ARMC9: variants seen among roughly 807,000 people sequenced by gnomAD.
ARMC9 encodes lisH domain-containing protein ARMC9.
Under a neutral mutation model 107.0 loss-of-function variants are expected in ARMC9, and 94 were observed. The observed-to-expected ratio is 0.88, with a 90% CI of 0.74 to 1.04. ARMC9 has a LOEUF of 1.04. ARMC9 is among the 50% of genes least tolerant of loss of function. ARMC9 has a pLI of 0.00. For missense variants in ARMC9, 942 were observed against 1,030.1 expected (o/e 0.91, Z 1.17); for synonymous variants, 380 against 396.9 (o/e 0.96, Z 0.51).
chr2:231,201,888 T>A (rs1181547949), intron 1 of ARMC9, among the ~76,000 whole-genome samples: 1 of 152,240 alleles, frequency 6.6e-6, no homozygotes, highest in East Asian at 1.9e-4. Context: ...CCAGCAACCC[T>A]GCCATGTTGC....
intron 1 of ARMC9, among the ~76,000 whole-genome samples, chr2:231,204,501 C>T (rs1048391006): frequency 5.9e-5 from 9 of 152,114 alleles, no homozygotes; most frequent in East Asian, 3.8e-4. Flanking sequence ...ACCCCATACC[C>T]GTCTCCTTCA....
chr2:231,355,912 G>A lies in ARMC9; in HGVS notation c.2109G>A (p.Pro703=), dbSNP rs781559742. 73 of 1,535,896 alleles carry A rather than the reference G, an allele frequency of 4.8e-5. No individual in the cohort carries two copies. In the Middle Eastern group the frequency reaches 1.0e-3, roughly 21 times the overall value. ...ACAGGGAGGGCAAGCCCAGCACCCC[G>A]GAGTCCTGCGTCTCCTCTTCATGTA... The part of the protein sequence containing the change: ...AVYREGKPST[P]ESCVSSSSAI... Residue 703 remains proline, a synonymous_variant, in exon 22 of 25, where the codon CCG becomes CCA. Transcript: ENST00000611582.
chr2:231,350,450 C>A (rs16827990), intron 21 of ARMC9, among the ~76,000 whole-genome samples: 12,165 of 151,852 alleles, frequency 0.08, 1,442 homozygotes, highest in African/African-American at 0.26. Flanking sequence ...TTGTTTGATA[C>A]ATTTCCTTGC....
In ARMC9 at chr2:231,269,077, A is replaced by G. The variant is rs1574879195; in HGVS notation, c.1120-1905A>G. Among the ~76,000 whole-genome samples the G allele has an allele frequency of 5.3e-5, 8 of 152,304 alleles. 3 individuals carry two copies. Among genetic ancestry groups the G allele is most frequent in the Admixed American group, 5.2e-4 (8 of 15,302 alleles). On this transcript the variant is annotated intron_variant, in intron 12 of 24. Transcript: ENST00000611582. ...GAGAGCTTGACTCAAAAAATTTAAA[A>G]AAAGAAATCCAAAGCCATTCCAATT... is the stretch of plus-strand genomic sequence containing the variant.
Position 231,242,069 on chromosome 2 carries a change from C to T in ARMC9, c.879+2028C>T, listed in dbSNP as rs972205282. Among the ~76,000 whole-genome samples, 108 of 152,160 alleles carry T rather than the reference C, an allele frequency of 7.1e-4. 1 individual carries two copies. Among genetic ancestry groups the T allele is most frequent in the African/African-American group, 2.5e-3 (103 of 41,510 alleles). ...CACATGTGGCTGAAATAGACCATTTCAGTGCTGCTAAAGTTTTCTACCCTT... is the reference window on the plus strand; with the variant it reads ...CACATGTGGCTGAAATAGACCATTTTAGTGCTGCTAAAGTTTTCTACCCTT... On this transcript the variant is annotated intron_variant, in intron 9 of 24. Coordinates refer to ENST00000611582, the MANE Select transcript of ARMC9 (RefSeq NM_001352754.2).
At chr2:231,367,205 G>A (rs73098135) in intron 23 of ARMC9, among the ~76,000 whole-genome samples, 23,820 of 152,112 alleles carry the variant, frequency 0.16, 4,413 homozygotes, top group African/African-American at 0.45. Flanking sequence ...GGGCTTTGAT[G>A]CCCAGTGGCA....
At chr2:231,359,224 T>C (rs2045469801) in intron 22 of ARMC9, among the ~76,000 whole-genome samples, 1 of 152,012 alleles carries the variant, frequency 6.6e-6, no homozygotes, top group African/African-American at 2.4e-5. Context: ...GTAGCTGGGA[T>C]TACAGGCATG....
At chr2:231,232,804 GAAT>G (rs943946330) in intron 7 of ARMC9, among the ~76,000 whole-genome samples, 3 of 152,038 alleles carry the variant, frequency 2.0e-5, no homozygotes, top group Admixed American at 6.6e-5. Context: ...TGTGGATGTT[GAAT>G]AATAATAATA....
intron 11 of ARMC9, among the ~76,000 whole-genome samples, 162 bp from the exon 12 acceptor site, chr2:231,262,144 G>T (rs1490786497): frequency 6.6e-6 from 1 of 152,010 alleles, no homozygotes; most frequent in Non-Finnish European, 1.5e-5. Flanking sequence ...TCTCGTTTTG[G>T]TTGGCTGGTT....
At chr2:231,353,978 T>TACACAC (rs537007134) in intron 21 of ARMC9, among the ~76,000 whole-genome samples, 127 of 138,300 alleles carry the variant, frequency 9.2e-4, no homozygotes, top group Admixed American at 1.8e-3. Flanking sequence ...TATATGTATA[T>TACACAC]ATACACACAC....
intron 7 of ARMC9, among the ~76,000 whole-genome samples, chr2:231,229,168 G>A (rs1160055035): frequency 1.3e-5 from 2 of 152,058 alleles, no homozygotes; most frequent in African/African-American, 4.8e-5. Flanking sequence ...CTGTAATGTG[G>A]TGTTGCTATG....
intron 9 of ARMC9, among the ~76,000 whole-genome samples, chr2:231,249,208 G>A (rs2037060410): frequency 6.6e-6 from 1 of 152,198 alleles, no homozygotes; most frequent in Non-Finnish European, 1.5e-5. Context: ...TCCAAAGCCT[G>A]TGCCCGCAAA....
At chr2:231,203,821 A>T (rs892995858) in intron 1 of ARMC9, among the ~76,000 whole-genome samples, 1 of 152,080 alleles carries the variant, frequency 6.6e-6, no homozygotes, top group African/African-American at 2.4e-5. Context: ...TTAGCTAGGC[A>T]TGGTGGCGGG....
In ARMC9 at chr2:231,360,988, G is replaced by A. The variant is rs1053392959; in HGVS notation, c.2261+105G>A. Reference sequence around the variant, plus strand: ...CAGGAGACCTGGAAGGCTCCTCTGAGGCCCAGCCTCTGACAGGGGAGGCTA... The same window carrying A: ...CAGGAGACCTGGAAGGCTCCTCTGAAGCCCAGCCTCTGACAGGGGAGGCTA... On this transcript the variant is annotated intron_variant, in intron 23 of 24. Transcript: ENST00000611582. This position sits in a 1 kb window ranked among gnomAD's most constrained non-coding sequence, Gnocchi z 4.7. 110 of 1,425,230 alleles carry A rather than the reference G, an allele frequency of 7.7e-5. No individual in the cohort carries two copies. The South Asian group carries it at 1.3e-3, about 16-fold the overall frequency. 88.3% of individuals were successfully genotyped at this position (1,425,230 alleles called of 1,614,324 possible). A position where few individuals can be genotyped will look rare whatever the true frequency, so the allele number is the denominator to read the frequency against.
At chr2:231,209,848 T>G (rs2032571797) in intron 3 of ARMC9, among the ~76,000 whole-genome samples, 1 of 152,140 alleles carries the variant, frequency 6.6e-6, no homozygotes, top group African/African-American at 2.4e-5. Flanking sequence ...TTTATTTTTA[T>G]AATTAAAAAA....
chr2:231,368,197 G>C (rs1210881327), intron 23 of ARMC9, among the ~76,000 whole-genome samples: 1 of 151,926 alleles, frequency 6.6e-6, no homozygotes, highest in African/African-American at 2.4e-5. Flanking sequence ...CACCTCACTA[G>C]ACCACGTACA....
intron 19 of ARMC9, among the ~76,000 whole-genome samples, chr2:231,327,586 G>T (rs1311445217): frequency 6.6e-6 from 1 of 152,076 alleles, no homozygotes; most frequent in Non-Finnish European, 1.5e-5. Context: ...TTGTTGAAGG[G>T]CATCTACTGT....
intron 21 of ARMC9, among the ~76,000 whole-genome samples, chr2:231,350,760 T>G (rs985592289): frequency 4.6e-5 from 7 of 151,968 alleles, no homozygotes; most frequent in African/African-American, 1.7e-4. Flanking sequence ...TAAATTTAAC[T>G]CCTCTTGTCA....
intron 20 of ARMC9, among the ~76,000 whole-genome samples, chr2:231,337,228 A>T (rs1230225706): frequency 7.1e-6 from 1 of 141,148 alleles, no homozygotes; most frequent in East Asian, 2.2e-4. Context: ...TCTGCTTATT[A>T]GGGGATTTGT....
Sources: allele counts gnomAD v4.1 joint callset (sites outside exome capture counted in the v4.1 genomes callset), GRCh38; gene constraint gnomAD v4.1.1; non-coding constraint Gnocchi (gnomAD v3.1); transcripts MANE v1.5; gene names NCBI Gene and HGNC (gene_info 2026-07-23, HGNC 2026-07-21).